The following ELN variants were observed in gnomAD, a reference collection of about 807,000 sequenced individuals.
ELN encodes tropoelastin.
Under a neutral mutation model 105.8 loss-of-function variants are expected in ELN, and 65 were observed. The observed-to-expected ratio is 0.61, with a 90% CI of 0.50 to 0.75. The LOEUF is 0.75. Ranked by LOEUF, ELN falls within the 30% of genes least tolerant of loss-of-function variation. ELN has a pLI of 0.00. For missense variants in ELN, 882 were observed against 969.4 expected (o/e 0.91, Z 1.20); for synonymous variants, 368 against 389.2 (o/e 0.95, Z 0.64).
chr7:74,047,638 T>A (rs782678295), intron 12 of ELN, 37 bp from the exon 13 acceptor site: 3 of 1,614,028 alleles, frequency 1.9e-6, no homozygotes, highest in Non-Finnish European at 2.5e-6. Flanking sequence ...CAGCAAGGCA[T>A]GGGGCAGCCC....
intron 22 of ELN, among the ~76,000 whole-genome samples, chr7:74,058,998 G>T (rs55877767): frequency 6.6e-6 from 1 of 151,860 alleles, no homozygotes; most frequent in Non-Finnish European, 1.5e-5. Flanking sequence ...TCAGCTCGCC[G>T]CAGGCCTCAA....
intron 1 of ELN, among the ~76,000 whole-genome samples, chr7:74,029,404 C>A (rs1436697711): frequency 6.6e-5 from 10 of 152,182 alleles, no homozygotes; most frequent in Non-Finnish European, 1.0e-4. Context: ...GGCTGCTATG[C>A]CGCGGCCAAC....
Position 74,047,712 on chromosome 7 carries a change from C to T in ELN, c.681C>T (p.Pro227=). ...TGCCCTACACCACAGGGAAACTGCC[C>T]TATGGTGAGTGAGACCCTTCTAGAC... ...YGLPYTTGKL[P]YGYGPGGVAG... The change falls in exon 13 of 33, where the codon CCC becomes CCT. Residue 227 remains proline, a synonymous_variant. Transcript: ENST00000252034. 1 of 1,614,134 alleles carries T rather than the reference C, an allele frequency of 6.2e-7. No individual in the cohort carries two copies. The highest frequency in any genetic ancestry group is 8.5e-7 in the Non-Finnish European group (1 of 1,179,998).
rs782060435 is a variant in ELN, at chr7:74,045,203, C to T, written c.470-19C>T. The stretch of plus-strand genomic sequence containing the variant: ...TGCAAGGCCTGCCTTCCTACACTCA[C>T]TGCTTTGTCCCCCGGCAGGAGCTCG... On this transcript the variant is annotated intron_variant, in intron 9 of 32. Coordinates refer to ENST00000252034, the MANE Select transcript of ELN (RefSeq NM_000501.4). 2 of 1,613,864 alleles carry T rather than the reference C, an allele frequency of 1.2e-6. No individual in the cohort carries two copies. The highest frequency in any genetic ancestry group is 1.7e-5 in the Admixed American group (1 of 60,036).
In ELN at chr7:74,056,310, A is replaced by C. The variant is rs1795205514; in HGVS notation, c.1190A>C (p.Tyr397Ser). 6.2e-7 allele frequency: 1 copy of C among 1,612,030 alleles called. No homozygotes were observed. ...PGVGVGGIPT[Y>S]GVGAGGFPGF... Reference sequence around the variant, plus strand: ...GTCGGAGTTGGAGGCATTCCTACTTACGGGGTTGGAGCTGGGGGCTTTCCC... The same window carrying C: ...GTCGGAGTTGGAGGCATTCCTACTTCCGGGGTTGGAGCTGGGGGCTTTCCC... The change falls in exon 20 of 33, where the codon TAC becomes TCC. Residue 397 changes from tyrosine to serine, a missense_variant. Physicochemically the swap from Tyr to Ser is moderately radical, Grantham distance 144. Transcript: ENST00000252034.
rs1288720537 is a variant in ELN, at chr7:74,069,487, G to C, written c.*787G>C. On this transcript the variant is annotated 3_prime_UTR_variant, in exon 33 of 33. Coordinates refer to ENST00000252034, the MANE Select transcript of ELN (RefSeq NM_000501.4). ...TCCACCCCCATCCTACACTCCCCCA[G>C]GGCGTGCGGGGCTGTGCAGACTGGG... 2.1e-5 allele frequency: 5 copies of C among 234,666 alleles called. No individual in the cohort carries two copies. The highest frequency in any genetic ancestry group is 4.2e-5 in the Non-Finnish European group (5 of 119,036). The allele number at this position is 234,666 out of a possible 1,614,324, so 14.5% of individuals were successfully genotyped here. A position where few individuals can be genotyped will look rare whatever the true frequency, so the allele number is the denominator to read the frequency against.
rs538321010 is a variant in ELN at position 74,053,315 on chromosome 7, C to A, written c.1096+6C>A. On this transcript the variant is annotated splice_donor_region_variant and intron_variant, in intron 18 of 32. Transcript: ENST00000252034. ...CCCAGGTGCTGCGGTTCCAGGTGAG[C>A]TGGGCTGTGTGTGTGTGTGTGTGTG... is the stretch of plus-strand genomic sequence containing the variant. The A allele has an allele frequency of 4.1e-5, 66 of 1,590,636 alleles. No homozygotes were observed. The East Asian group carries it at 1.4e-3, about 33-fold the overall frequency.
rs576324025 is a variant in ELN at position 74,059,941 on chromosome 7, T to C, written c.1470T>C (p.Gly490=). The C allele has an allele frequency of 3.1e-6, 5 of 1,594,326 alleles. No homozygotes were observed. The highest frequency in any genetic ancestry group is 2.7e-5 in the African/African-American group (2 of 74,258). The change falls in exon 23 of 33, where the codon GGT becomes GGC. Residue 490 remains glycine (G), a synonymous_variant. Coordinates refer to ENST00000252034, the MANE Select transcript of ELN (RefSeq NM_000501.4). Reference sequence around the variant, plus strand: ...GAGTTGGCGTGGCTCCTGGTGTCGGTGTGGCTCCTGGAGTTGGCTTGGCTC... The same window carrying C: ...GAGTTGGCGTGGCTCCTGGTGTCGGCGTGGCTCCTGGAGTTGGCTTGGCTC... ...APGVGVAPGV[G]VAPGVGLAPG...
rs781915432 is a variant in ELN at position 74,043,164 on chromosome 7, G to T, written c.423G>T (p.Val141=). The T allele has an allele frequency of 1.3e-6, 2 of 1,598,644 alleles. No individual in the cohort carries two copies. The highest frequency in any genetic ancestry group is 1.7e-6 in the Non-Finnish European group (2 of 1,172,286). Residue 141 remains valine (V), a synonymous_variant, in exon 8 of 33, where the codon GTG becomes GTT. Coordinates refer to ENST00000252034, the MANE Select transcript of ELN (RefSeq NM_000501.4). ...GAGCCGGAGTGAAGCCTGGGAAAGTGCCGGGTCAGTGCGGAATCCCTGGGG... is the reference window on the plus strand; with the variant it reads ...GAGCCGGAGTGAAGCCTGGGAAAGTTCCGGGTCAGTGCGGAATCCCTGGGG... The part of the protein sequence containing the change: ...QPGAGVKPGK[V]PGVGLPGVYP...
chr7:74,058,346 T>G (rs1795844812), intron 22 of ELN, among the ~76,000 whole-genome samples: 1 of 151,398 alleles, frequency 6.6e-6, no homozygotes. Context: ...TCCTCCTTCT[T>G]CTTTCTTCTC....
intron 17 of ELN, 124 bp from the exon 18 acceptor site, chr7:74,053,039 G>T (rs1583872142): frequency 2.1e-6 from 3 of 1,420,078 alleles, no homozygotes; most frequent in Non-Finnish European, 1.9e-6. Context: ...CCATGCAGAG[G>T]AAATGTCAAC....
chr7:74,046,569 TC>T, intron 11 of ELN, 126 bp from the exon 12 acceptor site: 3 of 959,248 alleles, frequency 3.1e-6, no homozygotes, highest in Non-Finnish European at 4.9e-6. Context: ...ATTCAGGGAG[TC>T]CCTCGAAGCA....
intron 15 of ELN, among the ~76,000 whole-genome samples, chr7:74,050,979 T>G (rs1793904860): frequency 6.6e-6 from 1 of 152,162 alleles, no homozygotes; most frequent in Admixed American, 6.5e-5. Flanking sequence ...ATTTAATAGT[T>G]ATGTATCAAT....
chr7:74,057,380 A>T, intron 21 of ELN: 1 of 1,497,630 alleles, frequency 6.7e-7, no homozygotes, highest in South Asian at 1.4e-5. Flanking sequence ...CCACTCCCCG[A>T]GGTGCTGCAG....
rs782141308 is a variant in ELN at position 74,037,719 on chromosome 7, G to C, written c.176G>C (p.Gly59Ala). Reference sequence around the variant, plus strand: ...CTTCCCTCTGCAGCGCTGGGGCCTGGAGGCAAACCTCTTAAGCCAGGTAAG... The same window carrying C: ...CTTCCCTCTGCAGCGCTGGGGCCTGCAGGCAAACCTCTTAAGCCAGGTAAG... ...GALGGGALGP[G>A]GKPLKPVPGG... is the part of the protein sequence containing the mutation. The change falls in exon 4 of 33, where the codon GGA (glycine) becomes GCA (alanine). Residue 59 changes from glycine (G) to alanine (A), a missense_variant. By Grantham distance (60) the Gly-to-Ala change is moderately conservative (BLOSUM62 0). Coordinates refer to ENST00000252034, the MANE Select transcript of ELN (RefSeq NM_000501.4). The C allele has an allele frequency of 6.2e-7, 1 of 1,612,440 alleles. No homozygotes were observed. The highest frequency in any genetic ancestry group is 1.1e-5 in the South Asian group (1 of 90,486).
At chr7:74,045,852 C>T (rs1158255328) in intron 10 of ELN, 3 of 349,068 alleles carry the variant, frequency 8.6e-6, no homozygotes, top group Non-Finnish European at 1.6e-5. Context: ...CTGACCAACA[C>T]GGTGAAGCCC....
chr7:74,046,067 G>A (rs1211203046), intron 10 of ELN, 121 bp from the exon 11 acceptor site: 10 of 1,342,900 alleles, frequency 7.4e-6, no homozygotes, highest in African/African-American at 5.8e-5. Context: ...TCATGTGAGC[G>A]CAGCATGCGA....
intron 10 of ELN, 162 bp downstream of exon 10, chr7:74,045,455 G>T: frequency 1.3e-6 from 1 of 776,284 alleles, no homozygotes; most frequent in Non-Finnish European, 2.2e-6. Context: ...ACCTCAGAGT[G>T]TGGCTGGGCA....
Position 74,063,596 on chromosome 7 carries a change from G to A in ELN, c.1919-25G>A. 6.2e-7 allele frequency: 1 copy of A among 1,614,200 alleles called. No individual in the cohort carries two copies. The highest frequency in any genetic ancestry group is 8.5e-7 in the Non-Finnish European group (1 of 1,180,018). The stretch of plus-strand genomic sequence containing the variant: ...CAGTCCCACCTTTCTGACCAGCGGA[G>A]TCTAATGCTCAGCTGTCTCCACAGG... On this transcript the variant is annotated intron_variant, in intron 28 of 32. Coordinates refer to ENST00000252034, the MANE Select transcript of ELN (RefSeq NM_000501.4). This position sits in a 1 kb window ranked among gnomAD's most constrained non-coding sequence, Gnocchi z 4.1.
Sources: gnomAD v4.1 joint callset for allele counts (sites outside exome capture counted in the v4.1 genomes callset) on GRCh38, gnomAD v4.1.1 for gene constraint, Gnocchi (gnomAD v3.1) non-coding constraint, MANE v1.5 for transcripts, NCBI Gene and HGNC (gene_info 2026-07-23, HGNC 2026-07-21) for gene names.